The following SNTG1 variants were observed in gnomAD, a reference collection of about 807,000 sequenced individuals.
SNTG1 encodes the protein gamma-1-syntrophin.
Under a neutral mutation model 74.7 loss-of-function variants are expected in SNTG1, and 39 were observed. The ratio of observed to expected loss-of-function variants is 0.52; its 90% confidence interval spans 0.40 to 0.68. The LOEUF (loss-of-function observed/expected upper bound fraction) is 0.68. Among genes scored for constraint, SNTG1 ranks in the 30% least tolerant of loss-of-function variants. SNTG1 has a pLI of 0.00. For missense variants in SNTG1, 685 were observed against 609.5 expected, an observed-to-expected ratio of 1.12 and a Z score of -1.30; for synonymous variants, 254 against 217.1, an observed-to-expected ratio of 1.17 and a Z score of -1.49.
chr8:49,983,007 T>C (rs117284350), intron 1 of SNTG1, among the ~76,000 whole-genome samples: 25 of 152,342 alleles, frequency 1.6e-4, no homozygotes, highest in Non-Finnish European at 3.7e-4. Context: ...CTACAGTGCT[T>C]GTCTAAAGTT....
At chr8:50,129,611 T>C (rs772136545) in intron 1 of SNTG1, among the ~76,000 whole-genome samples, 41 of 152,048 alleles carry the variant, frequency 2.7e-4, no homozygotes, top group Non-Finnish European at 5.6e-4. Flanking sequence ...GGTGGAGAAA[T>C]GGCTCAGACT....
chr8:50,673,744 T>A (rs2095296646), intron 15 of SNTG1, among the ~76,000 whole-genome samples: 1 of 152,328 alleles, frequency 6.6e-6, no homozygotes, highest in African/African-American at 2.4e-5. Context: ...AGGGCATCCT[T>A]GTCTCATACC....
intron 5 of SNTG1, among the ~76,000 whole-genome samples, chr8:50,444,835 A>G (rs933395410): frequency 1.3e-5 from 2 of 152,136 alleles, no homozygotes; most frequent in African/African-American, 4.8e-5. Flanking sequence ...AAATGAGTTG[A>G]AACCACTGGT....
chr8:49,972,977 C>G (rs886399536), intron 1 of SNTG1, among the ~76,000 whole-genome samples: 3 of 152,156 alleles, frequency 2.0e-5, no homozygotes, highest in Non-Finnish European at 4.4e-5. Flanking sequence ...GGATCTAGAA[C>G]TAGAAATGCC....
intron 2 of SNTG1, among the ~76,000 whole-genome samples, chr8:50,297,827 T>A (rs1008699338): frequency 4.0e-5 from 6 of 151,388 alleles, no homozygotes; most frequent in Non-Finnish European, 8.8e-5. Context: ...ATTATTGTGG[T>A]GTGGTAGCAA....
intron 1 of SNTG1, among the ~76,000 whole-genome samples, chr8:50,076,066 A>G (rs1483278489): frequency 6.6e-6 from 1 of 152,198 alleles, no homozygotes; most frequent in African/African-American, 2.4e-5. Flanking sequence ...TCAATTTGTA[A>G]AAAATCCAAT....
At chr8:49,976,764 G>T (rs1429596314) in intron 1 of SNTG1, among the ~76,000 whole-genome samples, 3 of 152,158 alleles carry the variant, frequency 2.0e-5, no homozygotes, top group Admixed American at 2.0e-4. Flanking sequence ...TCCTGATCAT[G>T]CAGGATACTG....
intron 1 of SNTG1, among the ~76,000 whole-genome samples, chr8:50,154,121 C>G (rs573658602): frequency 1.3e-5 from 2 of 152,144 alleles, no homozygotes; most frequent in Non-Finnish European, 2.9e-5. Context: ...CCTCCCCCAG[C>G]CTCGCTGCTG....
At chr8:50,559,012 T>C (rs969190989) in intron 12 of SNTG1, among the ~76,000 whole-genome samples, 2 of 152,352 alleles carry the variant, frequency 1.3e-5, no homozygotes, top group African/African-American at 4.8e-5. Flanking sequence ...ATGTGTAGGT[T>C]TGTTACAAAG....
intron 1 of SNTG1, among the ~76,000 whole-genome samples, chr8:50,065,758 AG>A (rs945982731): frequency 1.3e-5 from 2 of 152,192 alleles, no homozygotes; most frequent in Non-Finnish European, 2.9e-5. Context: ...ACCAATATGG[AG>A]GGTATTTGCC....
At chr8:50,376,756 T>TATAG (rs1381048539) in intron 2 of SNTG1, among the ~76,000 whole-genome samples, 12 of 89,958 alleles carry the variant, frequency 1.3e-4, no homozygotes, top group South Asian at 4.2e-4. Flanking sequence ...TATATATATA[T>TATAG]AGAGAGAGAG....
intron 8 of SNTG1, among the ~76,000 whole-genome samples, chr8:50,452,056 A>G (rs759335596): frequency 6.6e-6 from 1 of 152,222 alleles, no homozygotes; most frequent in Non-Finnish European, 1.5e-5. Flanking sequence ...TACATTTCAC[A>G]TCTAAGAGAG....
intron 17 of SNTG1, among the ~76,000 whole-genome samples, chr8:50,726,601 G>A (rs920948927): frequency 2.6e-5 from 4 of 152,198 alleles, no homozygotes; most frequent in Non-Finnish European, 5.9e-5. Flanking sequence ...TGTAATCCCA[G>A]CTCTTTGGGA....
rs368395500 is a variant in SNTG1, at chr8:50,372,726, A to C, written c.-27-21486A>C. Among the ~76,000 whole-genome samples, 4 of 152,274 alleles carry C rather than the reference A, an allele frequency of 2.6e-5. No individual in the cohort carries two copies. The East Asian group carries it at 5.8e-4, about 22-fold the overall frequency. The stretch of plus-strand genomic sequence containing the variant: ...GACAAATAGGAAGAAAAAATCATTA[A>C]AATCCAGTGTAAGGATTTCAATAAT... On this transcript the variant is annotated intron_variant, in intron 2 of 18. Coordinates refer to ENST00000642720, the MANE Select transcript of SNTG1 (RefSeq NM_018967.5).
chr8:50,784,845 T>C (rs1347761283), intron 18 of SNTG1, among the ~76,000 whole-genome samples: 1 of 152,128 alleles, frequency 6.6e-6, no homozygotes, highest in Non-Finnish European at 1.5e-5. Context: ...GTTAAAATAA[T>C]ACAAATTATG....
intron 2 of SNTG1, among the ~76,000 whole-genome samples, chr8:50,200,647 G>C (rs993787653): frequency 1.3e-5 from 2 of 152,104 alleles, no homozygotes; most frequent in African/African-American, 4.8e-5. Flanking sequence ...AAGCACAAGA[G>C]GAGCAAGGAT....
intron 18 of SNTG1, among the ~76,000 whole-genome samples, chr8:50,789,871 C>A (rs1036846520): frequency 1.2e-4 from 18 of 152,010 alleles, no homozygotes; most frequent in African/African-American, 4.3e-4. Flanking sequence ...ATGCAGCATG[C>A]AAAGTGTTTT....
intron 13 of SNTG1, among the ~76,000 whole-genome samples, chr8:50,618,733 G>A (rs1377853688): frequency 1.3e-5 from 2 of 152,254 alleles, no homozygotes; most frequent in South Asian, 2.1e-4. Context: ...GCTTCTTACT[G>A]GTTGTCAGTT....
intron 1 of SNTG1, among the ~76,000 whole-genome samples, chr8:50,129,506 C>T (rs550522904): frequency 8.5e-5 from 13 of 152,168 alleles, no homozygotes; most frequent in African/African-American, 2.9e-4. Context: ...ACTGTCTTGG[C>T]CTGAGTTGTC....
Sources: allele counts gnomAD v4.1 joint callset (sites outside exome capture counted in the v4.1 genomes callset), GRCh38; gene constraint gnomAD v4.1.1; transcripts MANE v1.5; gene names NCBI Gene and HGNC (gene_info 2026-07-23, HGNC 2026-07-21).